Variants in METTL15 observed in about 807,000 individuals in gnomAD.
The protein encoded by METTL15 is 12S rRNA N(4)-cytidine methyltransferase METTL15.
METTL15 carries 34 observed loss-of-function variants against 38.3 expected under a neutral mutation model. That is an observed-to-expected ratio of 0.89 (90% CI 0.68 to 1.18). METTL15 has a LOEUF of 1.18. METTL15 is among the 50% of genes most tolerant of loss of function. The pLI is 0.00. For missense variants in METTL15, 438 were observed against 498.4 expected, an observed-to-expected ratio of 0.88 and a Z score of 1.15; for synonymous variants, 162 against 170.9, an observed-to-expected ratio of 0.95 and a Z score of 0.41.
At chr11:28,381,622 G>T (rs11030308) in intron 5 of METTL15, among the ~76,000 whole-genome samples, 64,253 of 151,600 alleles carry the variant, frequency 0.42, 15,004 homozygotes, top group Admixed American at 0.54. Flanking sequence ...TCTTTCCTCT[G>T]CTAGATTCTT....
chr11:28,246,035 AATATT>A (rs1225451913), intron 4 of METTL15, among the ~76,000 whole-genome samples: 1 of 152,156 alleles, frequency 6.6e-6, no homozygotes, highest in East Asian at 1.9e-4. Context: ...ATAAAATAAA[AATATT>A]ATTTCTGGCG....
intron 5 of METTL15, among the ~76,000 whole-genome samples, chr11:28,372,533 A>T (rs532929695): frequency 6.6e-6 from 1 of 151,320 alleles, no homozygotes; most frequent in African/African-American, 2.4e-5. Context: ...AACCCTACAC[A>T]AAGTTCTTCA....
chr11:28,374,369 G>C (rs1850281815), intron 5 of METTL15, among the ~76,000 whole-genome samples: 1 of 152,034 alleles, frequency 6.6e-6, no homozygotes, highest in East Asian at 1.9e-4. Flanking sequence ...TCTCCTTGAA[G>C]AGGTCCTTCA....
chr11:28,167,389 G>T (rs536230464), intron 3 of METTL15, among the ~76,000 whole-genome samples: 1 of 152,098 alleles, frequency 6.6e-6, no homozygotes, highest in African/African-American at 2.4e-5. Context: ...AACCAGGGTC[G>T]TGCCACCAAA....
chr11:28,137,649 G>A (rs1849557652), intron 3 of METTL15, among the ~76,000 whole-genome samples: 1 of 152,140 alleles, frequency 6.6e-6, no homozygotes, highest in South Asian at 2.1e-4. Context: ...CGAACATGTA[G>A]CAAACCTAGT....
intron 3 of METTL15, among the ~76,000 whole-genome samples, chr11:28,199,127 A>G (rs559434642): frequency 4.3e-4 from 65 of 152,126 alleles, no homozygotes; most frequent in Non-Finnish European, 7.2e-4. Context: ...CAATATTCCC[A>G]AAGGCTGAAC....
intron 5 of METTL15, among the ~76,000 whole-genome samples, chr11:28,396,262 A>G (rs374463379): frequency 1.3e-5 from 2 of 152,154 alleles, no homozygotes; most frequent in Admixed American, 6.5e-5. Flanking sequence ...GGCAGGAGAA[A>G]GAAATAAAGC....
chr11:28,471,156 T>C (rs938079209), intron 6 of METTL15, among the ~76,000 whole-genome samples: 14 of 152,062 alleles, frequency 9.2e-5, no homozygotes, highest in African/African-American at 3.1e-4. Context: ...TGACTTCTTT[T>C]CTCAACAGGT....
chr11:28,438,672 C>CTTTTTTTTTTTTTTTTT (rs1171439330), intron 6 of METTL15, among the ~76,000 whole-genome samples: 2 of 128,194 alleles, frequency 1.6e-5, no homozygotes, highest in African/African-American at 2.9e-5. Context: ...TTTCTTTTTT[C>CTTTTTTTTTTTTTTTTT]TTTTTTTTTT....
Position 28,330,599 on chromosome 11 carries a change from A to T in METTL15, c.982A>T (p.Ile328Phe), listed in dbSNP as rs567970988. ...CTCCTTCCATTCACTAGAGGATCGC[A>T]TCGTCAAAAGATTTTTGCTTGGAAT... ...ALSFHSLEDR[I>F]VKRFLLGISM... is the part of the protein sequence containing the mutation. The change falls in exon 7 of 7, where the codon ATC (isoleucine) becomes TTC (phenylalanine). Residue 328 changes from isoleucine to phenylalanine, a missense_variant. Transcript: ENST00000407364. 1.9e-6 allele frequency: 3 copies of T among 1,551,496 alleles called. No homozygotes were observed. The highest frequency in any genetic ancestry group is 1.2e-5 in the South Asian group (1 of 84,048).
At chr11:28,436,469 G>A (rs775068961) in intron 6 of METTL15, among the ~76,000 whole-genome samples, 35 of 152,070 alleles carry the variant, frequency 2.3e-4, no homozygotes, top group Admixed American at 2.0e-4. Context: ...CCATGCATCC[G>A]TGGTCAGCTG....
intron 5 of METTL15, among the ~76,000 whole-genome samples, chr11:28,373,024 G>A (rs1850262816): frequency 6.6e-6 from 1 of 151,916 alleles, no homozygotes; most frequent in East Asian, 1.9e-4. Context: ...TATCATTATT[G>A]GACATTGGGG....
rs774928748 is a variant in METTL15, at chr11:28,210,880, A to G, written c.271-182A>G. 2.6e-5 allele frequency among the ~76,000 whole-genome samples: 4 copies of G among 152,136 alleles called. No homozygotes were observed. The South Asian group carries it at 6.2e-4, about 24-fold the overall frequency. On this transcript the variant is annotated intron_variant, in intron 3 of 6. Coordinates refer to ENST00000407364, the MANE Select transcript of METTL15 (RefSeq NM_001113528.2). ...TAGTCTGATCAGTTCTTTTAGACTTATCACTCATAATTGAGCCAGATCTCA... is the reference window on the plus strand; with the variant it reads ...TAGTCTGATCAGTTCTTTTAGACTTGTCACTCATAATTGAGCCAGATCTCA...
intron 4 of METTL15, among the ~76,000 whole-genome samples, chr11:28,284,618 G>A (rs1856181243): frequency 6.6e-6 from 1 of 152,162 alleles, no homozygotes; most frequent in Non-Finnish European, 1.5e-5. Flanking sequence ...CTTAGCAGCA[G>A]TGTACATGAA....
intron 6 of METTL15, among the ~76,000 whole-genome samples, chr11:28,326,600 A>T (rs1437071161): frequency 6.6e-6 from 1 of 151,886 alleles, no homozygotes; most frequent in Non-Finnish European, 1.5e-5. Flanking sequence ...ATTTTGAGAC[A>T]GAGTCTCACT....
chr11:28,193,380 A>ATTGCC (rs1487723100), intron 3 of METTL15, among the ~76,000 whole-genome samples: 1 of 152,140 alleles, frequency 6.6e-6, no homozygotes, highest in Non-Finnish European at 1.5e-5. Flanking sequence ...CACATCTTAC[A>ATTGCC]TTGCCAGGGC....
At chr11:28,356,787 A>G (rs1310759532) in intron 4 of METTL15, among the ~76,000 whole-genome samples, 1 of 152,122 alleles carries the variant, frequency 6.6e-6, no homozygotes, top group Non-Finnish European at 1.5e-5. Flanking sequence ...TAATACCATC[A>G]TTTCTTGGTA....
intron 5 of METTL15, among the ~76,000 whole-genome samples, chr11:28,391,632 A>T (rs1272015330): frequency 6.6e-6 from 1 of 152,186 alleles, no homozygotes; most frequent in Non-Finnish European, 1.5e-5. Flanking sequence ...GACCAATGGA[A>T]CAGAACAGAG....
At chr11:28,297,155 CA>C (rs1426765945) in intron 6 of METTL15, among the ~76,000 whole-genome samples, 7 of 151,930 alleles carry the variant, frequency 4.6e-5, no homozygotes, top group African/African-American at 1.2e-4. Context: ...ACCTCTCCCC[CA>C]AATACAATTT....
Sources: gnomAD v4.1 joint callset for allele counts (sites outside exome capture counted in the v4.1 genomes callset) on GRCh38, gnomAD v4.1.1 for gene constraint, MANE v1.5 for transcripts, NCBI Gene and HGNC (gene_info 2026-07-23, HGNC 2026-07-21) for gene names.